Variants in GABRG1 observed in about 807,000 individuals in gnomAD.
GABRG1 encodes gamma-aminobutyric acid type A receptor subunit gamma1.
GABRG1 carries 49 observed loss-of-function variants against 49.8 expected under a neutral mutation model. The ratio of observed to expected loss-of-function variants is 0.98; its 90% CI spans 0.78 to 1.25. The LOEUF is 1.25. Among genes scored for constraint, GABRG1 ranks in the 50% most tolerant of loss-of-function variants. The probability of loss-of-function intolerance (pLI) is 0.00; values close to 1 mark genes in which losing one functional copy is unlikely to be tolerated. For synonymous variants in GABRG1, 232 were observed against 185.1 expected (o/e 1.25, Z -2.06); for missense variants, 552 against 552.3 (o/e 1.00, Z 0.01).
intron 1 of GABRG1, among the ~76,000 whole-genome samples, chr4:46,108,022 C>T (rs1720607894): frequency 6.6e-6 from 1 of 151,088 alleles, no homozygotes; most frequent in South Asian, 2.1e-4. Flanking sequence ...TTTCCTAGCA[C>T]ATTCTGCACA....
At chr4:46,096,941 T>C (rs1360553337) in intron 2 of GABRG1, among the ~76,000 whole-genome samples, 1 of 151,754 alleles carries the variant, frequency 6.6e-6, no homozygotes, top group African/African-American at 2.4e-5. Flanking sequence ...TATTTCTCAG[T>C]CTTAGGCAGT....
intron 3 of GABRG1, among the ~76,000 whole-genome samples, chr4:46,071,377 CAG>C (rs763548444): frequency 2.1e-4 from 32 of 149,402 alleles, no homozygotes; most frequent in Non-Finnish European, 1.5e-4. Context: ...TGTAAAATGA[CAG>C]AAAGTATAGC....
At chr4:46,058,435 A>C in intron 6 of GABRG1, 50 bp downstream of exon 6, 1 of 1,597,420 alleles carries the variant, frequency 6.3e-7, no homozygotes, top group East Asian at 2.2e-5. Flanking sequence ...TTTAAAATAA[A>C]AATGTCATTT....
chr4:46,123,962 G>A lies in GABRG1; in HGVS notation c.-49C>T. 2.1e-6 allele frequency: 3 copies of A among 1,423,038 alleles called. No individual in the cohort carries two copies. Among genetic ancestry groups the A allele is most frequent in the Non-Finnish European group, 3.0e-6 (3 of 1,010,090 alleles). The allele number at this position is 1,423,038 out of a possible 1,614,324, so 88.2% of individuals were successfully genotyped here. A position where few individuals can be genotyped will look rare whatever the true frequency, so the allele number is the denominator to read the frequency against. Reference sequence around the variant, plus strand: ...TGCACTAGCTCAATTCTCCCAGCCAGGACTTTTCCTCCCACCTCAGCAGCA... The same window carrying A: ...TGCACTAGCTCAATTCTCCCAGCCAAGACTTTTCCTCCCACCTCAGCAGCA... On this transcript the variant is annotated 5_prime_UTR_variant, in exon 1 of 9. Coordinates refer to ENST00000295452, the MANE Select transcript of GABRG1 (RefSeq NM_173536.4).
intron 2 of GABRG1, among the ~76,000 whole-genome samples, chr4:46,096,767 A>G (rs1577662032): frequency 6.6e-6 from 1 of 151,684 alleles, no homozygotes; most frequent in African/African-American, 2.4e-5. Flanking sequence ...CTTTCCAGAT[A>G]TCAGGAACAA....
chr4:46,087,389 AATAAT>A (rs1335594959), intron 2 of GABRG1, among the ~76,000 whole-genome samples: 1 of 151,696 alleles, frequency 6.6e-6, no homozygotes, highest in Non-Finnish European at 1.5e-5. Flanking sequence ...ATAAGGTTGA[AATAAT>A]ATAAGTATAT....
rs573402045 is a variant in GABRG1, at chr4:46,123,696, T to A, written c.104+114A>T. 3.5e-5 allele frequency: 24 copies of A among 685,230 alleles called. No individual in the cohort carries two copies. The South Asian group carries it at 3.7e-4, about 11-fold the overall frequency. The allele number at this position is 685,230 out of a possible 1,614,324, so 42.4% of individuals were successfully genotyped here. On this transcript the variant is annotated intron_variant, in intron 1 of 8. Coordinates refer to ENST00000295452, the MANE Select transcript of GABRG1 (RefSeq NM_173536.4). Reference sequence around the variant, plus strand: ...ATAAAACGATGGTAAATACCACATATGTGTTAGGAAATGCAAATTAATTAC... The same window carrying A: ...ATAAAACGATGGTAAATACCACATAAGTGTTAGGAAATGCAAATTAATTAC...
At chr4:46,114,624 C>T (rs1382770884) in intron 1 of GABRG1, among the ~76,000 whole-genome samples, 2 of 150,300 alleles carry the variant, frequency 1.3e-5, no homozygotes, top group Non-Finnish European at 3.0e-5. Context: ...TAGTTTGTGC[C>T]CAATTTAATA....
chr4:46,068,121 C>G (rs1489908934), intron 3 of GABRG1, among the ~76,000 whole-genome samples: 9 of 152,080 alleles, frequency 5.9e-5, no homozygotes, highest in Admixed American at 2.0e-4. Flanking sequence ...ATTTTAATGG[C>G]AAATACAAAT....
chr4:46,039,943 C>T lies in GABRG1; in HGVS notation c.*1045G>A, dbSNP rs182461081. 1.8e-4 allele frequency: 27 copies of T among 151,726 alleles called. No homozygotes were observed. Among genetic ancestry groups the T allele is most frequent in the Admixed American group, 8.6e-4 (13 of 15,172 alleles). The allele number at this position is 151,726 out of a possible 1,614,324, so 9.4% of individuals were successfully genotyped here. A position where few individuals can be genotyped will look rare whatever the true frequency, so the allele number is the denominator to read the frequency against. ...TGGAGCTGGAAGAGGCAATATGTAA[C>T]GCAGGCCTAAAACTGTTTTCTGCAT... On this transcript the variant is annotated 3_prime_UTR_variant, in exon 9 of 9. Transcript: ENST00000295452.
In GABRG1 at chr4:46,064,522, A is replaced by G; in HGVS notation, c.544T>C (p.Leu182=). The G allele has an allele frequency of 6.9e-7, 1 of 1,441,570 alleles. No homozygotes were observed. The highest frequency in any genetic ancestry group is 9.4e-7 in the Non-Finnish European group (1 of 1,063,026). 89.3% of individuals were successfully genotyped at this position (1,441,570 alleles called of 1,614,324 possible). A position where few individuals can be genotyped will look rare whatever the true frequency, so the allele number is the denominator to read the frequency against. The change falls in exon 5 of 9, where the codon TTG becomes CTG. Residue 182 remains leucine (L), a splice_region_variant and synonymous_variant. Transcript: ENST00000295452. ...NDGRVLYTLR[L]TINAECYLQL... is the part of the protein sequence containing the mutation. ...AGATAACATTCTGCATTAATTGTCA[A>G]TCTATTTAGATGGAAAGAAAAGTAT...
Position 46,110,297 on chromosome 4 carries a change from G to T in GABRG1, c.105-12948C>A, listed in dbSNP as rs76670731. On this transcript the variant is annotated intron_variant, in intron 1 of 8. Coordinates refer to ENST00000295452, the MANE Select transcript of GABRG1 (RefSeq NM_173536.4). ...CCTTTGTCCATTTTTACTGTTGATG[G>T]TTTAATGTCATTTTATCTGATATAA... Among the ~76,000 whole-genome samples the T allele has an allele frequency of 3.5e-3, 524 of 150,944 alleles. 9 individuals carry two copies. The East Asian group carries it at 0.036, about 10-fold the overall frequency.
chr4:46,095,865 G>C (rs1175921616), intron 2 of GABRG1, among the ~76,000 whole-genome samples: 3 of 151,778 alleles, frequency 2.0e-5, no homozygotes, highest in Admixed American at 6.6e-5. Context: ...GTGAAGGTTT[G>C]TTACGTAAGT....
intron 1 of GABRG1, among the ~76,000 whole-genome samples, chr4:46,118,132 G>GTGTGTATATATATATA (rs377481920): frequency 1.8e-5 from 2 of 109,984 alleles, no homozygotes; most frequent in Admixed American, 8.3e-5. Context: ...GTGTGTGTGT[G>GTGTGTATATATATATA]TATATATATA....
intron 8 of GABRG1, among the ~76,000 whole-genome samples, chr4:46,041,971 T>G (rs1283066229): frequency 6.6e-6 from 1 of 152,056 alleles, no homozygotes; most frequent in Non-Finnish European, 1.5e-5. Context: ...ACAGCTTTAT[T>G]TGTAACATGT....
chr4:46,056,151 T>TAA (rs1182116080), intron 7 of GABRG1, among the ~76,000 whole-genome samples: 116 of 9,136 alleles, frequency 0.013, 14 homozygotes, highest in Non-Finnish European at 0.014. Context: ...ATAAATAAAT[T>TAA]AAAAAAAAAA....
intron 1 of GABRG1, among the ~76,000 whole-genome samples, chr4:46,119,277 TCTC>T (rs138254295): frequency 0.02 from 3,085 of 151,546 alleles, 102 homozygotes; most frequent in African/African-American, 0.069. Context: ...TCTCTTCTCT[TCTC>T]CTCTTTTTTT....
At chr4:46,053,154 C>A (rs899131437) in intron 7 of GABRG1, among the ~76,000 whole-genome samples, 2 of 151,202 alleles carry the variant, frequency 1.3e-5, no homozygotes, top group African/African-American at 4.9e-5. Context: ...TTTTAAATTT[C>A]CAAATATACA....
At chr4:46,085,957 A>C (rs1446677352) in intron 2 of GABRG1, among the ~76,000 whole-genome samples, 1 of 151,636 alleles carries the variant, frequency 6.6e-6, no homozygotes, top group Non-Finnish European at 1.5e-5. Flanking sequence ...TAACATCTTG[A>C]AAGTAAGCAC....
Sources: allele counts gnomAD v4.1 joint callset (sites outside exome capture counted in the v4.1 genomes callset), GRCh38; gene constraint gnomAD v4.1.1; transcripts MANE v1.5; gene names NCBI Gene and HGNC (gene_info 2026-07-23, HGNC 2026-07-21).